The following NXPE4 variants were observed in gnomAD, a reference collection of about 807,000 sequenced individuals.
The protein encoded by NXPE4 is neurexophilin and PC-esterase domain family member 4.
NXPE4 carries 42 observed loss-of-function variants against 33.3 expected under a neutral mutation model. That is an observed-to-expected ratio of 1.26 (90% CI 0.98 to 1.63). The LOEUF (loss-of-function observed/expected upper bound fraction) is 1.63. NXPE4 is among the 40% of genes most tolerant of loss of function. NXPE4 has a pLI of 0.00. For synonymous variants in NXPE4, 253 were observed against 234.9 expected, an observed-to-expected ratio of 1.08 and a Z score of -0.71; for missense variants, 709 against 647.6, an observed-to-expected ratio of 1.09 and a Z score of -1.03.
chr11:114,616,159 A>G, the NXPE4 span, among the ~76,000 whole-genome samples: 2 of 151,234 alleles, frequency 1.3e-5, no homozygotes, highest in African/African-American at 4.9e-5. Flanking sequence ...GTGGGTAACC[A>G]TGGTTACCCT....
chr11:114,612,693 C>A, the NXPE4 span, among the ~76,000 whole-genome samples: 1 of 150,758 alleles, frequency 6.6e-6, no homozygotes, highest in Admixed American at 6.6e-5. Context: ...TGGGTAACAA[C>A]TGTTGCCCTG....
chr11:114,579,822 G>A (rs1341070292), intron 5 of NXPE4, among the ~76,000 whole-genome samples: 1 of 152,178 alleles, frequency 6.6e-6, no homozygotes, highest in Non-Finnish European at 1.5e-5. Context: ...GGTTCTAGAA[G>A]CTGGACAATT....
At position 114,571,133 on chromosome 11, in the gene NXPE4, C is replaced by T. The variant is rs750370150; in HGVS notation, c.1440G>A (p.Met480Ile). Residue 480 changes from methionine to isoleucine, a missense_variant, in exon 6 of 6, where the codon ATG becomes ATA. Met to Ile is a conservative substitution (Grantham distance 10). Transcript: ENST00000375478. Reference sequence around the variant, plus strand: ...CACTAAATCTTTCTGCATCATTGTACATCTCCCTGATGTTTTCTGTTTTGA... The same window carrying T: ...CACTAAATCTTTCTGCATCATTGTATATCTCCCTGATGTTTTCTGTTTTGA... ...VIIKTENIREMYNDAERFSDF... is the reference protein window; with the variant it reads ...VIIKTENIREIYNDAERFSDF... 6.2e-7 allele frequency: 1 copy of T among 1,613,888 alleles called. No homozygotes were observed. The highest frequency in any genetic ancestry group is 1.7e-5 in the Admixed American group (1 of 59,976).
At chr11:114,627,237 A>C in the NXPE4 span, among the ~76,000 whole-genome samples, 1 of 152,124 alleles carries the variant, frequency 6.6e-6, no homozygotes. Context: ...CAAAGTTGAA[A>C]TGAAGGAAAA....
At chr11:114,592,671 A>T (rs1302229710) in intron 2 of NXPE4, among the ~76,000 whole-genome samples, 1 of 152,190 alleles carries the variant, frequency 6.6e-6, no homozygotes, top group Non-Finnish European at 1.5e-5. Flanking sequence ...ATCGAAATAG[A>T]AAAACAATTC....
intron 5 of NXPE4, among the ~76,000 whole-genome samples, chr11:114,575,557 C>T (rs186624072): frequency 3.4e-4 from 52 of 151,324 alleles, no homozygotes; most frequent in African/African-American, 1.2e-3. Context: ...GCAACCAAGC[C>T]GAGAATCAAA....
the NXPE4 span, among the ~76,000 whole-genome samples, chr11:114,636,477 A>G: frequency 1.3e-5 from 2 of 151,414 alleles, no homozygotes; most frequent in East Asian, 1.9e-4. Flanking sequence ...TTCTGCTCTG[A>G]TTTTAGTTAT....
chr11:114,637,607 G>T, the NXPE4 span, among the ~76,000 whole-genome samples: 4 of 150,700 alleles, frequency 2.7e-5, no homozygotes, highest in Non-Finnish European at 4.4e-5. Context: ...GGTACCGGTT[G>T]TTCCTTTCCA....
At chr11:114,608,727 G>A in the NXPE4 span, among the ~76,000 whole-genome samples, 36 of 151,864 alleles carry the variant, frequency 2.4e-4, 1 homozygote, top group African/African-American at 7.2e-4. Context: ...GTACTGCCTC[G>A]TGGGTAACCA....
intron 3 of NXPE4, 43 bp downstream of exon 3, chr11:114,582,245 C>A: frequency 3.9e-6 from 6 of 1,523,302 alleles, no homozygotes; most frequent in Non-Finnish European, 5.3e-6. Flanking sequence ...TAGGCCAAAT[C>A]ACAATATTTG....
At chr11:114,593,047 T>C (rs141063417) in intron 2 of NXPE4, among the ~76,000 whole-genome samples, 1 of 152,226 alleles carries the variant, frequency 6.6e-6, no homozygotes, top group Non-Finnish European at 1.5e-5. Context: ...TAAAGACTGA[T>C]ATGCATGACC....
the NXPE4 span, among the ~76,000 whole-genome samples, chr11:114,617,344 G>T: frequency 6.6e-6 from 1 of 151,648 alleles, no homozygotes; most frequent in South Asian, 2.1e-4. Context: ...TTACCTGGTG[G>T]ATAATAAGTA....
the NXPE4 span, among the ~76,000 whole-genome samples, chr11:114,616,714 T>C: frequency 6.6e-6 from 1 of 151,734 alleles, no homozygotes; most frequent in Non-Finnish European, 1.5e-5. Context: ...TGTTACCCAG[T>C]GTATAATAAG....
chr11:114,601,767 A>G, the NXPE4 span, among the ~76,000 whole-genome samples: 1 of 73,574 alleles, frequency 1.4e-5, no homozygotes, highest in Non-Finnish European at 2.3e-5. Context: ...ATATGTGATT[A>G]TATATTATAA....
the NXPE4 span, among the ~76,000 whole-genome samples, chr11:114,634,760 G>T: frequency 6.6e-6 from 1 of 151,996 alleles, no homozygotes; most frequent in African/African-American, 2.4e-5. Context: ...GTTTCTCAAA[G>T]ATCAGATAGT....
the NXPE4 span, among the ~76,000 whole-genome samples, chr11:114,653,319 A>G: frequency 6.6e-6 from 1 of 152,242 alleles, no homozygotes; most frequent in Non-Finnish European, 1.5e-5. Context: ...AGCAGCAGCC[A>G]TCTCAGTCTG....
At chr11:114,676,984 C>T in the NXPE4 span, among the ~76,000 whole-genome samples, 1 of 152,004 alleles carries the variant, frequency 6.6e-6, no homozygotes, top group Non-Finnish European at 1.5e-5. Flanking sequence ...ACCTGGAGGA[C>T]ATTATGCTGG....
chr11:114,571,101 T>G lies in NXPE4; in HGVS notation c.1472A>C (p.His491Pro). 1 of 1,614,022 alleles carries G rather than the reference T, an allele frequency of 6.2e-7. No homozygotes were observed. The highest frequency in any genetic ancestry group is 8.5e-7 in the Non-Finnish European group (1 of 1,179,914). ...TATGATGAGATATTGAATGTAACCA[T>G]GAAAGTCACTAAATCTTTCTGCATC... is the stretch of plus-strand genomic sequence containing the variant. Reference protein sequence around the residue: ...YNDAERFSDFHGYIQYLIIKD... With the variant: ...YNDAERFSDFPGYIQYLIIKD... The change falls in exon 6 of 6, where the codon CAT becomes CCT. Residue 491 changes from histidine to proline, a missense_variant. His to Pro is a moderately conservative substitution (Grantham distance 77). Transcript: ENST00000375478.
the NXPE4 span, among the ~76,000 whole-genome samples, chr11:114,657,595 AT>A: frequency 6.6e-6 from 1 of 152,198 alleles, no homozygotes; most frequent in Non-Finnish European, 1.5e-5. Flanking sequence ...GGAAGGATGT[AT>A]ATTTATATAT....
Sources: allele counts gnomAD v4.1 joint callset (sites outside exome capture counted in the v4.1 genomes callset), GRCh38; gene constraint gnomAD v4.1.1; transcripts MANE v1.5; gene names NCBI Gene and HGNC (gene_info 2026-07-23, HGNC 2026-07-21).